Variants in DLG2 observed in about 807,000 individuals in gnomAD.
DLG2 encodes the protein disks large homolog 2.
DLG2 carries 45 observed loss-of-function variants against 132.5 expected under a neutral mutation model. The ratio of observed to expected loss-of-function variants is 0.34; its 90% CI spans 0.27 to 0.44. The LOEUF is 0.44. DLG2 is among the 20% of genes least tolerant of loss of function. The pLI, the probability that DLG2 is intolerant of heterozygous loss-of-function variation, is 1.00. For missense variants in DLG2, 1,045 were observed against 1,196.9 expected (o/e 0.87, Z 1.87); for synonymous variants, 424 against 419.6 (o/e 1.01, Z -0.13).
chr11:83,811,858 A>G (rs2153965441), intron 17 of DLG2, among the ~76,000 whole-genome samples: 1 of 152,284 alleles, frequency 6.6e-6, no homozygotes, highest in Non-Finnish European at 1.5e-5. Flanking sequence ...CTAGTATAAC[A>G]GAGAGAAAGA....
chr11:83,504,444 AAGT>A (rs1217958422), intron 21 of DLG2, among the ~76,000 whole-genome samples: 1 of 152,160 alleles, frequency 6.6e-6, no homozygotes, highest in Non-Finnish European at 1.5e-5. Flanking sequence ...CTCCATTATG[AAGT>A]AGTAGACTGA....
chr11:84,710,951 T>C (rs1204245933), intron 6 of DLG2, among the ~76,000 whole-genome samples: 1 of 149,482 alleles, frequency 6.7e-6, no homozygotes, highest in African/African-American at 2.4e-5. Context: ...GTGTTCTTTA[T>C]AATCACTGAA....
intron 7 of DLG2, among the ~76,000 whole-genome samples, chr11:84,306,581 T>C (rs950365672): frequency 2.0e-5 from 3 of 152,320 alleles, no homozygotes; most frequent in East Asian, 1.9e-4. Flanking sequence ...GTTTGTAAAA[T>C]TGAGTTTGAT....
chr11:83,803,000 G>A (rs2044894310), intron 17 of DLG2, among the ~76,000 whole-genome samples: 1 of 152,124 alleles, frequency 6.6e-6, no homozygotes, highest in East Asian at 1.9e-4. Context: ...AATTTTAAAA[G>A]TCATACAAAA....
At chr11:84,960,434 T>G (rs2052378197) in intron 6 of DLG2, among the ~76,000 whole-genome samples, 1 of 150,906 alleles carries the variant, frequency 6.6e-6, no homozygotes, top group Admixed American at 6.6e-5. Context: ...TGTAAATTCT[T>G]TTAACTTTTT....
At chr11:84,644,398 T>C (rs1030869957) in intron 6 of DLG2, among the ~76,000 whole-genome samples, 12 of 152,122 alleles carry the variant, frequency 7.9e-5, no homozygotes, top group African/African-American at 2.9e-4. Flanking sequence ...CAAGGCACTA[T>C]ACATACATGT....
intron 4 of DLG2, among the ~76,000 whole-genome samples, chr11:85,258,951 T>C (rs920708365): frequency 1.3e-5 from 2 of 152,238 alleles, no homozygotes; most frequent in Admixed American, 1.3e-4. Context: ...ATTATTATAA[T>C]CCTTATTTCA....
chr11:84,135,712 G>A (rs2094575797), intron 9 of DLG2, among the ~76,000 whole-genome samples: 1 of 152,096 alleles, frequency 6.6e-6, no homozygotes, highest in African/African-American at 2.4e-5. Context: ...GGTAAGAAAT[G>A]AGCTGGAAGC....
intron 6 of DLG2, among the ~76,000 whole-genome samples, chr11:84,775,481 C>T (rs151007578): frequency 6.6e-6 from 1 of 152,174 alleles, no homozygotes; most frequent in East Asian, 1.9e-4. Flanking sequence ...GTGTTCATTG[C>T]AGCACTATTC....
chr11:84,009,437 C>A (rs2094759430), intron 11 of DLG2, among the ~76,000 whole-genome samples: 1 of 152,008 alleles, frequency 6.6e-6, no homozygotes, highest in Non-Finnish European at 1.5e-5. Context: ...TGTATGCTTC[C>A]TATTCTTTAT....
intron 3 of DLG2, among the ~76,000 whole-genome samples, chr11:85,516,138 T>G (rs559021536): frequency 1.3e-5 from 2 of 152,056 alleles, no homozygotes; most frequent in African/African-American, 4.8e-5. Flanking sequence ...AGAAATCAAT[T>G]CTAAGAAGAA....
chr11:85,602,511 A>G (rs540149201), intron 2 of DLG2, among the ~76,000 whole-genome samples: 1 of 152,230 alleles, frequency 6.6e-6, no homozygotes, highest in African/African-American at 2.4e-5. Context: ...TTTCAGCATC[A>G]GCCTCCCAGG....
At chr11:83,850,785 C>G (rs1309159267) in intron 16 of DLG2, among the ~76,000 whole-genome samples, 1 of 152,206 alleles carries the variant, frequency 6.6e-6, no homozygotes, top group Non-Finnish European at 1.5e-5. Flanking sequence ...GGGCTCGACC[C>G]TGGCTGAGCC....
intron 21 of DLG2, among the ~76,000 whole-genome samples, chr11:83,489,385 G>T (rs1565443359): frequency 6.6e-6 from 1 of 151,874 alleles, no homozygotes; most frequent in Non-Finnish European, 1.5e-5. Flanking sequence ...ATAAAAAATG[G>T]CAGGAAAACA....
chr11:84,125,382 C>T (rs1192938259), intron 9 of DLG2, among the ~76,000 whole-genome samples: 2 of 152,112 alleles, frequency 1.3e-5, no homozygotes, highest in Non-Finnish European at 2.9e-5. Flanking sequence ...GATGGTGCTT[C>T]AAAGGCAAGC....
intron 14 of DLG2, among the ~76,000 whole-genome samples, chr11:83,937,357 A>G (rs1479446739): frequency 6.6e-6 from 1 of 151,964 alleles, no homozygotes; most frequent in Non-Finnish European, 1.5e-5. Flanking sequence ...AATATAAAAA[A>G]TTAGCCGGGC....
At chr11:84,729,588 T>C (rs1483652773) in intron 6 of DLG2, among the ~76,000 whole-genome samples, 1 of 152,124 alleles carries the variant, frequency 6.6e-6, no homozygotes. Context: ...TTCACCGTAA[T>C]TTCTAAGTCC....
At chr11:84,382,780 T>G (rs201165066) in intron 7 of DLG2, among the ~76,000 whole-genome samples, 1 of 151,808 alleles carries the variant, frequency 6.6e-6, no homozygotes, top group Non-Finnish European at 1.5e-5. Flanking sequence ...CAAAAAATAC[T>G]CAATCTCTCT....
chr11:84,189,505 T>C lies in DLG2; in HGVS notation c.574-25994A>G, dbSNP rs530528139. Among the ~76,000 whole-genome samples the C allele has an allele frequency of 4.6e-5, 7 of 152,292 alleles. No individual in the cohort carries two copies. The South Asian group carries it at 1.0e-3, about 23-fold the overall frequency. On this transcript the variant is annotated intron_variant, in intron 8 of 27. Transcript: ENST00000376104. ...CCAAGGAATATAAATCATTCTATTA[T>C]AAAGATACATGCAAGTGTGTGTTCA...
Sources: gnomAD v4.1 joint callset for allele counts (sites outside exome capture counted in the v4.1 genomes callset) on GRCh38, gnomAD v4.1.1 for gene constraint, MANE v1.5 for transcripts, NCBI Gene and HGNC (gene_info 2026-07-23, HGNC 2026-07-21) for gene names.